The following CDCP1 variants were observed in gnomAD, a reference collection of about 807,000 sequenced individuals.
CDCP1 encodes the protein CUB domain containing protein 1, also known as CUB domain-containing protein 1.
Under a neutral mutation model 60.2 loss-of-function variants are expected in CDCP1, and 29 were observed. The observed-to-expected ratio is 0.48, with a 90% CI of 0.36 to 0.66. The LOEUF (loss-of-function observed/expected upper bound fraction) is 0.66. Among genes scored for constraint, CDCP1 ranks in the 30% least tolerant of loss-of-function variants. The pLI, the probability that CDCP1 is intolerant of heterozygous loss-of-function variation, is 0.00. For synonymous variants in CDCP1, 387 were observed against 431.1 expected (o/e 0.90, Z 1.27); for missense variants, 876 against 1,074.3 (o/e 0.82, Z 2.58).
intron 4 of CDCP1, among the ~76,000 whole-genome samples, chr3:45,104,387 A>C (rs1698528368): frequency 6.6e-6 from 1 of 152,254 alleles, no homozygotes; most frequent in Non-Finnish European, 1.5e-5. Context: ...GGGTAGACAC[A>C]GTTAATTTCC....
At chr3:45,094,665 T>G (rs1412975555) in intron 5 of CDCP1, among the ~76,000 whole-genome samples, 1 of 142,398 alleles carries the variant, frequency 7.0e-6, no homozygotes, top group African/African-American at 2.7e-5. Context: ...ATCACAGTCT[T>G]GTGTGAGAGA....
chr3:45,116,894 C>T (rs898328784), intron 2 of CDCP1, among the ~76,000 whole-genome samples: 1 of 152,100 alleles, frequency 6.6e-6, no homozygotes, highest in Non-Finnish European at 1.5e-5. Flanking sequence ...ATGATGAAAA[C>T]GTTATACACA....
intron 4 of CDCP1, chr3:45,110,160 C>T (rs1036295249): frequency 5.1e-6 from 6 of 1,174,654 alleles, no homozygotes; most frequent in African/African-American, 3.1e-5. Flanking sequence ...GGGTGACATC[C>T]TCATTCACAT....
chr3:45,118,695 C>G, intron 1 of CDCP1, 74 bp from the exon 2 acceptor site: 1 of 1,233,492 alleles, frequency 8.1e-7, no homozygotes, highest in Non-Finnish European at 1.2e-6. Context: ...CGACCCCAAT[C>G]TGGTTCAGAG....
At chr3:45,089,955 A>T (rs1698264224) in intron 7 of CDCP1, among the ~76,000 whole-genome samples, 1 of 152,254 alleles carries the variant, frequency 6.6e-6, no homozygotes, top group Non-Finnish European at 1.5e-5. Context: ...AAAATAAATC[A>T]GAGGGGGAAC....
intron 8 of CDCP1, 152 bp downstream of exon 8, chr3:45,088,902 G>A: frequency 1.5e-6 from 1 of 673,420 alleles, no homozygotes; most frequent in Non-Finnish European, 2.6e-6. Context: ...TCTCCTGAAA[G>A]CATGACTCAC....
chr3:45,144,429 G>T (rs1367143783), intron 1 of CDCP1, among the ~76,000 whole-genome samples: 1 of 151,940 alleles, frequency 6.6e-6, no homozygotes, highest in African/African-American at 2.4e-5. Flanking sequence ...CAGTTCCTGA[G>T]ACCATAGGGA....
Position 45,093,271 on chromosome 3 carries a change from C to G in CDCP1, c.1627+6G>C, listed in dbSNP as rs566979418. ...GGGGCATGGAGATAGGGGAGACCCC[C>G]CTTACCTTTGAAATAAGGTATAAAG... On this transcript the variant is annotated splice_donor_region_variant and intron_variant, in intron 6 of 8. Transcript: ENST00000296129. 33 of 1,612,232 alleles carry G rather than the reference C, an allele frequency of 2.0e-5. No homozygotes were observed. Among genetic ancestry groups the G allele is most frequent in the Admixed American group, 6.7e-5 (4 of 59,944 alleles).
At chr3:45,121,829 A>G (rs1482586290) in intron 1 of CDCP1, among the ~76,000 whole-genome samples, 1 of 152,238 alleles carries the variant, frequency 6.6e-6, no homozygotes, top group Non-Finnish European at 1.5e-5. Context: ...TATTTTATGT[A>G]AGCTATACCT....
Position 45,123,947 on chromosome 3 carries a change from A to G in CDCP1, c.83-5326T>C, listed in dbSNP as rs1698930717. On this transcript the variant is annotated intron_variant, in intron 1 of 8. Transcript: ENST00000296129. The stretch of plus-strand genomic sequence containing the variant: ...GGGCTCCTGGGCTTAGGGCATTTGG[A>G]AAAGCTTACAAGGCACAGGCTTGGG... 1.3e-5 allele frequency among the ~76,000 whole-genome samples: 2 copies of G among 152,144 alleles called. 1 individual carries two copies. The highest frequency in any genetic ancestry group is 1.3e-4 in the Admixed American group (2 of 15,266).
intron 4 of CDCP1, among the ~76,000 whole-genome samples, chr3:45,096,241 A>G (rs1052114891): frequency 2.0e-5 from 3 of 152,228 alleles, no homozygotes; most frequent in Non-Finnish European, 4.4e-5. Context: ...TAACTGCAGC[A>G]CTGTGATTGT....
intron 1 of CDCP1, among the ~76,000 whole-genome samples, chr3:45,129,497 A>G (rs1038738952): frequency 2.0e-5 from 3 of 152,262 alleles, no homozygotes; most frequent in African/African-American, 7.2e-5. Flanking sequence ...CTAAAATGCC[A>G]CAAGGCTACT....
At chr3:45,144,386 C>T (rs191587711) in intron 1 of CDCP1, among the ~76,000 whole-genome samples, 1 of 152,336 alleles carries the variant, frequency 6.6e-6, no homozygotes, top group Admixed American at 6.5e-5. Flanking sequence ...ACCACAAAAG[C>T]TCTCAGTTCA....
At chr3:45,126,152 T>TTCCTTCTTTCTC in intron 1 of CDCP1, among the ~76,000 whole-genome samples, 1 of 143,852 alleles carries the variant, frequency 7.0e-6, no homozygotes, top group African/African-American at 2.7e-5. Context: ...CTTTCTTTCT[T>TTCCTTCTTTCTC]TCTTTCTTTC....
chr3:45,125,596 T>C (rs1464127543), intron 1 of CDCP1, among the ~76,000 whole-genome samples: 1 of 152,206 alleles, frequency 6.6e-6, no homozygotes, highest in Non-Finnish European at 1.5e-5. Context: ...GATAGCATAT[T>C]ACAACTACTA....
At position 45,085,776 on chromosome 3, in the gene CDCP1, C is replaced by T. The variant is rs1466277888; in HGVS notation, c.2373G>A (p.Glu791=). The change falls in exon 9 of 9, where the codon GAG becomes GAA. Residue 791 remains glutamate, a synonymous_variant. Transcript: ENST00000296129. The surrounding 1 kb of genome is among the most constrained non-coding windows in gnomAD (Gnocchi z 4.2). ...SRAPTAKLAT[E]EPPPRSPPES... ...CAGGAGGGGAGCGAGGAGGTGGCTCCTCAGTGGCCAACTTTGCAGTTGGGG... is the reference window on the plus strand; with the variant it reads ...CAGGAGGGGAGCGAGGAGGTGGCTCTTCAGTGGCCAACTTTGCAGTTGGGG... 1 of 1,614,140 alleles carries T rather than the reference C, an allele frequency of 6.2e-7. No homozygotes were observed. Among genetic ancestry groups the T allele is most frequent in the East Asian group, 2.2e-5 (1 of 44,870 alleles).
rs757385852 is a variant in CDCP1, at chr3:45,085,974, C to A, written c.2175G>T (p.Gly725=). Residue 725 remains glycine (G), a synonymous_variant, in exon 9 of 9, where the codon GGG becomes GGT. Transcript: ENST00000296129. This position sits in a 1 kb window ranked among gnomAD's most constrained non-coding sequence, Gnocchi z 4.2. ...MPRQPKKFQK[G]RKDNDSHVYA... ...ACACATGGGAGTCATTGTCCTTTCG[C>A]CCTTTCTGAAACTTTTTTGGCTGCC... 1 of 1,614,066 alleles carries A rather than the reference C, an allele frequency of 6.2e-7. No individual in the cohort carries two copies.
chr3:45,110,435 C>T (rs1237943516), intron 4 of CDCP1, 38 bp downstream of exon 4: 45 of 1,604,564 alleles, frequency 2.8e-5, no homozygotes, highest in Non-Finnish European at 3.7e-5. Context: ...AACGAAGGTG[C>T]TGGAGGAGGA....
intron 4 of CDCP1, 168 bp downstream of exon 4, chr3:45,110,305 T>G: frequency 6.9e-7 from 1 of 1,440,076 alleles, no homozygotes. Flanking sequence ...CCAACAAGCC[T>G]GTCTAACTGC....
Sources: allele counts gnomAD v4.1 joint callset (sites outside exome capture counted in the v4.1 genomes callset), GRCh38; gene constraint gnomAD v4.1.1; non-coding constraint Gnocchi (gnomAD v3.1); transcripts MANE v1.5; gene names NCBI Gene and HGNC (gene_info 2026-07-23, HGNC 2026-07-21).